The following ADGRL3 variants were observed in gnomAD, a reference collection of about 807,000 sequenced individuals.
ADGRL3 encodes the protein adhesion G protein-coupled receptor L3.
In ADGRL3, 62 loss-of-function variants were observed where a neutral mutation model predicts 153.5. The ratio of observed to expected loss-of-function variants is 0.40; its 90% CI spans 0.33 to 0.50. The LOEUF (loss-of-function observed/expected upper bound fraction) is 0.50, where lower values mean the gene tolerates loss of function less well. ADGRL3 is among the 20% of genes least tolerant of loss of function. The pLI is 0.47. For missense variants in ADGRL3, 1,641 were observed against 1,859.4 expected (o/e 0.88, Z 2.16); for synonymous variants, 710 against 672.5 (o/e 1.06, Z -0.86).
chr4:61,343,044 AC>A (rs1236827780), intron 1 of ADGRL3, among the ~76,000 whole-genome samples: 1 of 152,092 alleles, frequency 6.6e-6, no homozygotes, highest in Admixed American at 6.6e-5. Flanking sequence ...CTCTTTTAAA[AC>A]CATGAAATCT....
At chr4:61,932,398 C>G (rs890653560) in intron 13 of ADGRL3, among the ~76,000 whole-genome samples, 3 of 152,090 alleles carry the variant, frequency 2.0e-5, no homozygotes, top group Non-Finnish European at 4.4e-5. Flanking sequence ...AAGGTGCTGA[C>G]TTTTGTCAAA....
intron 4 of ADGRL3, among the ~76,000 whole-genome samples, chr4:61,583,035 G>A (rs1276568126): frequency 1.3e-5 from 2 of 151,956 alleles, no homozygotes; most frequent in East Asian, 1.9e-4. Context: ...TAAATTTAAC[G>A]TATTTCAACT....
intron 2 of ADGRL3, chr4:61,427,264 C>T (rs944704255): frequency 1.3e-5 from 2 of 152,644 alleles, no homozygotes; most frequent in Non-Finnish European, 2.9e-5. Context: ...ATGCCATTTA[C>T]TCACAGTTTT....
At chr4:61,763,703 AT>A (rs2096939836) in intron 8 of ADGRL3, among the ~76,000 whole-genome samples, 4 of 152,168 alleles carry the variant, frequency 2.6e-5, no homozygotes, top group Admixed American at 1.3e-4. Context: ...ATGTTTCAGT[AT>A]TGTATTCTAT....
In ADGRL3 at chr4:61,393,310, C is replaced by T. The variant is rs547281623; in HGVS notation, c.-174+10121C>T. ...CATTTTTAAAGACCTTAAAAAAATA[C>T]TTAAAGAAAAACAGTTTTGGTGCCT... On this transcript the variant is annotated intron_variant, in intron 2 of 26. Transcript: ENST00000683033. 2.0e-5 allele frequency among the ~76,000 whole-genome samples: 3 copies of T among 152,152 alleles called. No individual in the cohort carries two copies. The South Asian group carries it at 6.2e-4, about 32-fold the overall frequency.
intron 14 of ADGRL3, among the ~76,000 whole-genome samples, chr4:61,935,548 T>G (rs2098834922): frequency 6.6e-6 from 1 of 152,132 alleles, no homozygotes; most frequent in African/African-American, 2.4e-5. Flanking sequence ...TGTTTGAAAT[T>G]TACTGGGCTT....
intron 8 of ADGRL3, among the ~76,000 whole-genome samples, chr4:61,777,847 A>G (rs2097170926): frequency 6.6e-6 from 1 of 152,170 alleles, no homozygotes; most frequent in African/African-American, 2.4e-5. Context: ...CTGTCTGTTT[A>G]TTAAATAGCC....
At chr4:61,393,418 A>G (rs1273418068) in intron 2 of ADGRL3, among the ~76,000 whole-genome samples, 4 of 152,148 alleles carry the variant, frequency 2.6e-5, no homozygotes, top group Non-Finnish European at 4.4e-5. Context: ...TTTTAATATT[A>G]AAAAACTTTT....
intron 4 of ADGRL3, 61 bp downstream of exon 4, chr4:61,517,579 C>T (rs1429733922): frequency 1.4e-6 from 1 of 690,508 alleles, no homozygotes; most frequent in East Asian, 2.7e-5. Flanking sequence ...CTGAGAGGCT[C>T]AGCCCCAGGA....
At chr4:62,001,274 C>T (rs2099139456) in intron 21 of ADGRL3, among the ~76,000 whole-genome samples, 1 of 152,064 alleles carries the variant, frequency 6.6e-6, no homozygotes, top group African/African-American at 2.4e-5. Context: ...GACATTTTTC[C>T]AGTAAGCTAA....
At chr4:61,289,300 T>G (rs1366829500) in intron 1 of ADGRL3, among the ~76,000 whole-genome samples, 1 of 152,048 alleles carries the variant, frequency 6.6e-6, no homozygotes, top group East Asian at 1.9e-4. Flanking sequence ...GCCTTTCCTC[T>G]GAGTAAAATT....
chr4:61,880,816 A>G (rs2098504310), intron 9 of ADGRL3, among the ~76,000 whole-genome samples: 1 of 152,032 alleles, frequency 6.6e-6, no homozygotes, highest in African/African-American at 2.4e-5. Context: ...CTTTTTCGTT[A>G]TTTAAATTAC....
At chr4:61,593,780 A>G (rs1036077260) in intron 5 of ADGRL3, among the ~76,000 whole-genome samples, 7 of 152,068 alleles carry the variant, frequency 4.6e-5, no homozygotes, top group Non-Finnish European at 1.0e-4. Context: ...AAAGCCTCAG[A>G]GTAGTCTTCT....
intron 13 of ADGRL3, among the ~76,000 whole-genome samples, chr4:61,916,725 G>T (rs1581447431): frequency 6.6e-6 from 1 of 152,152 alleles, no homozygotes. Context: ...GGCCAAGGTG[G>T]GCAGATCACT....
chr4:61,766,129 A>G (rs1158503052), intron 8 of ADGRL3, among the ~76,000 whole-genome samples: 2 of 152,042 alleles, frequency 1.3e-5, no homozygotes, highest in African/African-American at 4.8e-5. Context: ...TCAGAGAGAT[A>G]CAGTCATGGG....
At chr4:61,374,715 AT>A (rs1052590732) in intron 1 of ADGRL3, among the ~76,000 whole-genome samples, 2 of 151,536 alleles carry the variant, frequency 1.3e-5, no homozygotes, top group East Asian at 1.9e-4. Flanking sequence ...CTCCAGCCAG[AT>A]TTTTTTTTCA....
chr4:61,356,674 G>A (rs2096177481), intron 1 of ADGRL3, among the ~76,000 whole-genome samples: 1 of 151,724 alleles, frequency 6.6e-6, no homozygotes, highest in South Asian at 2.1e-4. Context: ...TATTTGCTTG[G>A]TTTGATTTAA....
intron 8 of ADGRL3, among the ~76,000 whole-genome samples, chr4:61,747,180 G>A: frequency 6.6e-6 from 1 of 151,834 alleles, no homozygotes; most frequent in Non-Finnish European, 1.5e-5. Flanking sequence ...TCTCTGAATA[G>A]ACCAATAACA....
chr4:61,209,703 A>T (rs377256206), intron 1 of ADGRL3, among the ~76,000 whole-genome samples: 48 of 152,290 alleles, frequency 3.2e-4, no homozygotes, highest in African/African-American at 1.1e-3. Context: ...CAAAAATTAT[A>T]ATCCTGACAG....
Sources: allele counts gnomAD v4.1 joint callset (sites outside exome capture counted in the v4.1 genomes callset), GRCh38; gene constraint gnomAD v4.1.1; transcripts MANE v1.5; gene names NCBI Gene and HGNC (gene_info 2026-07-23, HGNC 2026-07-21).